The following UBE2E2 variants were observed in gnomAD, a reference collection of about 807,000 sequenced individuals.
The protein encoded by UBE2E2 is ubiquitin conjugating enzyme E2 E2.
Under a neutral mutation model 24.7 loss-of-function variants are expected in UBE2E2, and 6 were observed. The observed-to-expected ratio is 0.24, with a 90% CI of 0.13 to 0.48. The LOEUF is 0.48. Among genes scored for constraint, UBE2E2 ranks in the 20% least tolerant of loss-of-function variants. The probability of loss-of-function intolerance (pLI) is 0.99; values close to 1 mark genes in which losing one functional copy is unlikely to be tolerated. For synonymous variants in UBE2E2, 104 were observed against 83.6 expected (o/e 1.24, Z -1.33); for missense variants, 169 against 245.0 (o/e 0.69, Z 2.07).
intron 3 of UBE2E2, among the ~76,000 whole-genome samples, chr3:23,257,037 T>C (rs1697744705): frequency 2.0e-5 from 3 of 152,260 alleles, no homozygotes; most frequent in Admixed American, 2.0e-4. Flanking sequence ...TTCTCCCCTT[T>C]GCTACTTCAG....
At chr3:23,541,030 A>T (rs183027270) in intron 5 of UBE2E2, among the ~76,000 whole-genome samples, 3 of 152,254 alleles carry the variant, frequency 2.0e-5, no homozygotes, top group African/African-American at 7.2e-5. Context: ...GGAAATTCCA[A>T]TCTGAAACAG....
At chr3:23,236,408 A>G (rs542411216) in intron 3 of UBE2E2, among the ~76,000 whole-genome samples, 2 of 151,930 alleles carry the variant, frequency 1.3e-5, no homozygotes, top group South Asian at 4.2e-4. Context: ...CCCTTAGAGA[A>G]GCAGAGTTCT....
chr3:23,587,308 C>T (rs1456637211), intron 5 of UBE2E2, among the ~76,000 whole-genome samples: 1 of 152,116 alleles, frequency 6.6e-6, no homozygotes, highest in Admixed American at 6.5e-5. Flanking sequence ...CTTCTTGTTC[C>T]CTTTATTCTT....
At chr3:23,219,846 T>C (rs1220781468) in intron 3 of UBE2E2, among the ~76,000 whole-genome samples, 1 of 152,144 alleles carries the variant, frequency 6.6e-6, no homozygotes, top group African/African-American at 2.4e-5. Flanking sequence ...TGGAGAACGA[T>C]TTTTTCTACT....
intron 5 of UBE2E2, among the ~76,000 whole-genome samples, chr3:23,582,057 C>G (rs1198326873): frequency 6.6e-6 from 1 of 152,152 alleles, no homozygotes; most frequent in Non-Finnish European, 1.5e-5. Context: ...CCTTCTCCCA[C>G]CCTCCACCCT....
At chr3:23,378,629 T>A (rs1696583598) in intron 3 of UBE2E2, among the ~76,000 whole-genome samples, 1 of 152,222 alleles carries the variant, frequency 6.6e-6, no homozygotes. Context: ...AATTTTATGA[T>A]CACCTTCTAA....
At chr3:23,513,025 G>A (rs1347975795) in intron 4 of UBE2E2, among the ~76,000 whole-genome samples, 2 of 151,648 alleles carry the variant, frequency 1.3e-5, no homozygotes, top group Admixed American at 1.3e-4. Flanking sequence ...CCCCATACTT[G>A]GCCACTAATG....
rs192415934 is a variant in UBE2E2, at chr3:23,504,018, G to A, written c.360+4278G>A. 5.8e-3 allele frequency among the ~76,000 whole-genome samples: 882 copies of A among 151,166 alleles called. 4 individuals carry two copies. The highest frequency in any genetic ancestry group is 0.011 in the Admixed American group (162 of 15,234). ...AGATAAGCAAAAGGGAAAAAAATTT[G>A]CCTGTAATCTCCCCCAAACTGATTA... is the stretch of plus-strand genomic sequence containing the variant. On this transcript the variant is annotated intron_variant, in intron 4 of 5. Coordinates refer to ENST00000396703, the MANE Select transcript of UBE2E2 (RefSeq NM_152653.4).
At chr3:23,288,066 T>A (rs779764860) in intron 3 of UBE2E2, among the ~76,000 whole-genome samples, 1 of 152,104 alleles carries the variant, frequency 6.6e-6, no homozygotes, top group African/African-American at 2.4e-5. Flanking sequence ...CTTGGAAGTA[T>A]AAGCATCTGT....
At chr3:23,302,217 T>C (rs1699117065) in intron 3 of UBE2E2, among the ~76,000 whole-genome samples, 1 of 152,178 alleles carries the variant, frequency 6.6e-6, no homozygotes, top group Non-Finnish European at 1.5e-5. Context: ...CTACTTCTAT[T>C]TTCAAAAGCC....
At chr3:23,296,826 T>C (rs1698923702) in intron 3 of UBE2E2, among the ~76,000 whole-genome samples, 1 of 152,220 alleles carries the variant, frequency 6.6e-6, no homozygotes. Context: ...ATATACCCAG[T>C]AATGGGATGG....
At chr3:23,322,110 A>G (rs1045064423) in intron 3 of UBE2E2, among the ~76,000 whole-genome samples, 2 of 152,222 alleles carry the variant, frequency 1.3e-5, no homozygotes, top group African/African-American at 2.4e-5. Flanking sequence ...AATGCTAATA[A>G]CCTTTCATTC....
chr3:23,453,721 T>C (rs1353972918), intron 3 of UBE2E2, among the ~76,000 whole-genome samples: 1 of 152,234 alleles, frequency 6.6e-6, no homozygotes, highest in Non-Finnish European at 1.5e-5. Context: ...TTTGTCATTA[T>C]AGATTTTCCT....
chr3:23,252,409 G>T (rs1697599096), intron 3 of UBE2E2, among the ~76,000 whole-genome samples: 1 of 152,158 alleles, frequency 6.6e-6, no homozygotes, highest in Non-Finnish European at 1.5e-5. Context: ...CTACTCTGCA[G>T]ACAATGTGTA....
intron 3 of UBE2E2, among the ~76,000 whole-genome samples, chr3:23,232,526 C>T (rs1286351142): frequency 6.6e-6 from 1 of 152,132 alleles, no homozygotes; most frequent in Non-Finnish European, 1.5e-5. Context: ...CTCCTGATTT[C>T]CCCCTCTTTC....
At chr3:23,568,060 C>T (rs1236667370) in intron 5 of UBE2E2, among the ~76,000 whole-genome samples, 1 of 152,198 alleles carries the variant, frequency 6.6e-6, no homozygotes, top group Non-Finnish European at 1.5e-5. Flanking sequence ...GCACAGACAG[C>T]ACCCATGTGA....
intron 5 of UBE2E2, among the ~76,000 whole-genome samples, chr3:23,550,094 T>A (rs116528388): frequency 1.6e-3 from 240 of 152,222 alleles, no homozygotes; most frequent in African/African-American, 5.5e-3. Flanking sequence ...CCTTTATAGT[T>A]TGTTAAGTTT....
At chr3:23,352,638 A>T (rs1343069955) in intron 3 of UBE2E2, among the ~76,000 whole-genome samples, 4 of 152,222 alleles carry the variant, frequency 2.6e-5, no homozygotes, top group Non-Finnish European at 5.9e-5. Flanking sequence ...ATCTAGAAGA[A>T]ATGGATAAAT....
intron 5 of UBE2E2, among the ~76,000 whole-genome samples, chr3:23,540,512 C>A (rs1425225379): frequency 1.3e-5 from 2 of 152,146 alleles, no homozygotes; most frequent in African/African-American, 4.8e-5. Context: ...TCAAGCAATT[C>A]TCCTGCCTTA....
Sources: gnomAD v4.1 joint callset for allele counts (sites outside exome capture counted in the v4.1 genomes callset) on GRCh38, gnomAD v4.1.1 for gene constraint, MANE v1.5 for transcripts, NCBI Gene and HGNC (gene_info 2026-07-23, HGNC 2026-07-21) for gene names.